The following ATF2 variants were observed in gnomAD, a reference collection of about 807,000 sequenced individuals.
ATF2 encodes activating transcription factor 2, also known as cyclic AMP-dependent transcription factor ATF-2.
In ATF2, 24 loss-of-function variants were observed where a neutral mutation model predicts 60.6. The observed-to-expected ratio is 0.40, with a 90% confidence interval of 0.29 to 0.56. The LOEUF (loss-of-function observed/expected upper bound fraction) is 0.56. Ranked by LOEUF, ATF2 falls within the 20% of genes least tolerant of loss-of-function variation. The pLI is 0.54. For synonymous variants in ATF2, 206 were observed against 215.4 expected (o/e 0.96, Z 0.38); for missense variants, 433 against 607.7 (o/e 0.71, Z 3.02).
At chr2:175,107,527 C>CTCTCCCTCTCCCCACGG (rs1695754750) in intron 10 of ATF2, among the ~76,000 whole-genome samples, 6 of 130,820 alleles carry the variant, frequency 4.6e-5, no homozygotes, top group African/African-American at 2.1e-4. Flanking sequence ...TTGTGGCTCC[C>CTCTCCCTCTCCCCACGG]TCTCCCTCTC....
chr2:175,149,736 C>G (rs1699184306), intron 2 of ATF2, among the ~76,000 whole-genome samples: 2 of 152,136 alleles, frequency 1.3e-5, no homozygotes, highest in Admixed American at 6.6e-5. Context: ...ATGGACTGAC[C>G]ACTACCTCCT....
At chr2:175,099,131 G>A (rs1456347052) in intron 10 of ATF2, among the ~76,000 whole-genome samples, 68 of 144,208 alleles carry the variant, frequency 4.7e-4, no homozygotes, top group Admixed American at 7.7e-4. Flanking sequence ...TCAAGAGGGA[G>A]TCTCGCCTGT....
In ATF2 at chr2:175,104,214, G is replaced by A. The variant is rs181024138; in HGVS notation, c.829-6621C>T. ...CAAAGTAAACTTCTCTTTAGCTGTA[G>A]TGTGCTACTCATTCTTCCATGTTCC... On this transcript the variant is annotated intron_variant, in intron 10 of 13. Transcript: ENST00000264110. Among the ~76,000 whole-genome samples the A allele has an allele frequency of 1.1e-4, 16 of 152,232 alleles. No homozygotes were observed. The East Asian group carries it at 2.7e-3, about 26-fold the overall frequency.
chr2:175,094,429 A>AAAAAAAAAAAAAT (rs1694776537), intron 11 of ATF2, among the ~76,000 whole-genome samples: 1 of 142,934 alleles, frequency 7.0e-6, no homozygotes, highest in Non-Finnish European at 1.5e-5. Flanking sequence ...AAAAAAAAAA[A>AAAAAAAAAAAAAT]GAAAGAAGAA....
intron 1 of ATF2, among the ~76,000 whole-genome samples, chr2:175,158,260 A>T (rs1395885208): frequency 7.0e-6 from 1 of 143,826 alleles, no homozygotes; most frequent in Non-Finnish European, 1.5e-5. Flanking sequence ...TTTTTGAGAC[A>T]GGGTCTTGCT....
chr2:175,108,266 C>T (rs1695859124), intron 10 of ATF2, among the ~76,000 whole-genome samples: 3 of 151,930 alleles, frequency 2.0e-5, no homozygotes, highest in Non-Finnish European at 4.4e-5. Flanking sequence ...GCAGCCGCCC[C>T]GTCTGGGAAG....
intron 2 of ATF2, among the ~76,000 whole-genome samples, chr2:175,139,762 G>A (rs1184262993): frequency 6.6e-6 from 1 of 151,540 alleles, no homozygotes; most frequent in Admixed American, 6.6e-5. Flanking sequence ...TTTTATTAAA[G>A]AGACAGACCA....
chr2:175,165,303 C>T (rs1700278932), intron 1 of ATF2, among the ~76,000 whole-genome samples: 1 of 152,028 alleles, frequency 6.6e-6, no homozygotes, highest in Admixed American at 6.6e-5. Flanking sequence ...TTATATTCTC[C>T]AATGACATTT....
intron 10 of ATF2, among the ~76,000 whole-genome samples, chr2:175,097,836 T>C (rs1397625142): frequency 6.6e-6 from 1 of 152,164 alleles, no homozygotes; most frequent in Non-Finnish European, 1.5e-5. Context: ...AGAGATCAAA[T>C]GGGCCCAAAC....
intron 4 of ATF2, 57 bp from the exon 5 acceptor site, chr2:175,121,597 AATG>A (rs1365784518): frequency 1.1e-5 from 14 of 1,297,184 alleles, no homozygotes; most frequent in Non-Finnish European, 1.5e-5. Context: ...AAATAAGTAA[AATG>A]ATTAGGAAAT....
intron 2 of ATF2, among the ~76,000 whole-genome samples, chr2:175,144,983 G>C (rs968691399): frequency 6.6e-6 from 1 of 152,248 alleles, no homozygotes; most frequent in East Asian, 1.9e-4. Flanking sequence ...TGCTAGGTAA[G>C]AGTGAATTCA....
At chr2:175,117,700 TA>T (rs1378127799) in intron 7 of ATF2, among the ~76,000 whole-genome samples, 1 of 151,994 alleles carries the variant, frequency 6.6e-6, no homozygotes, top group Non-Finnish European at 1.5e-5. Flanking sequence ...TAAAAGTAGC[TA>T]AATATAAAAT....
intron 10 of ATF2, among the ~76,000 whole-genome samples, chr2:175,108,352 T>C (rs879797348): frequency 1.0e-3 from 108 of 108,344 alleles, no homozygotes; most frequent in African/African-American, 1.2e-3. Flanking sequence ...GCCAGCCGCC[T>C]CGTCCGGGAG....
At chr2:175,127,543 A>G (rs972896682) in intron 4 of ATF2, among the ~76,000 whole-genome samples, 5 of 152,132 alleles carry the variant, frequency 3.3e-5, no homozygotes, top group African/African-American at 9.7e-5. Context: ...TGCTCAGTGA[A>G]TAAAACCCAA....
At chr2:175,110,597 T>TTTTTA (rs776370992) in intron 10 of ATF2, among the ~76,000 whole-genome samples, 56 of 152,178 alleles carry the variant, frequency 3.7e-4, no homozygotes, top group Non-Finnish European at 7.4e-4. Context: ...ATTACACTGA[T>TTTTTA]TTTTATTTTA....
intron 1 of ATF2, among the ~76,000 whole-genome samples, chr2:175,160,230 A>T (rs925065174): frequency 1.3e-5 from 2 of 152,124 alleles, no homozygotes; most frequent in African/African-American, 4.8e-5. Flanking sequence ...ACAAAAAATT[A>T]AAAAATTAGC....
intron 2 of ATF2, among the ~76,000 whole-genome samples, chr2:175,146,225 C>T (rs1698935248): frequency 6.6e-6 from 1 of 152,106 alleles, no homozygotes; most frequent in African/African-American, 2.4e-5. Context: ...TCCAAAAGCA[C>T]CAAAATCATT....
intron 1 of ATF2, among the ~76,000 whole-genome samples, chr2:175,152,317 A>G (rs78781287): frequency 0.04 from 6,112 of 152,310 alleles, 400 homozygotes; most frequent in African/African-American, 0.14. Flanking sequence ...AAAAATATGA[A>G]GACCAGAATG....
At chr2:175,106,214 A>G (rs949310750) in intron 10 of ATF2, among the ~76,000 whole-genome samples, 8 of 152,200 alleles carry the variant, frequency 5.3e-5, no homozygotes, top group African/African-American at 1.9e-4. Context: ...TCTCTCTAAC[A>G]AAAACCTTAT....
Sources: gnomAD v4.1 joint callset for allele counts (sites outside exome capture counted in the v4.1 genomes callset) on GRCh38, gnomAD v4.1.1 for gene constraint, MANE v1.5 for transcripts, NCBI Gene and HGNC (gene_info 2026-07-23, HGNC 2026-07-21) for gene names.